The following PTPRM variants were observed in gnomAD, a reference collection of about 807,000 sequenced individuals.
PTPRM encodes the protein receptor-type tyrosine-protein phosphatase mu.
A neutral mutation model predicts 186.7 loss-of-function variants in PTPRM; 47 were observed. The observed-to-expected ratio is 0.25, with a 90% CI of 0.20 to 0.32. The LOEUF is 0.32. Ranked by LOEUF, PTPRM falls within the 10% of genes least tolerant of loss-of-function variation. The probability of loss-of-function intolerance (pLI) is 1.00; values close to 1 mark genes in which losing one functional copy is unlikely to be tolerated. For missense variants in PTPRM, 1,494 were observed against 1,865.0 expected (o/e 0.80, Z 3.66); for synonymous variants, 668 against 674.9 (o/e 0.99, Z 0.16).
intron 1 of PTPRM, among the ~76,000 whole-genome samples, chr18:7,658,525 G>C (rs1012862182): frequency 6.6e-5 from 10 of 151,964 alleles, no homozygotes; most frequent in Admixed American, 5.2e-4. Flanking sequence ...GTCACCAGCT[G>C]TGTTAGGGGT....
intron 1 of PTPRM, among the ~76,000 whole-genome samples, chr18:7,724,840 A>C (rs548129640): frequency 6.6e-6 from 1 of 152,246 alleles, no homozygotes; most frequent in Middle Eastern, 3.4e-3. Flanking sequence ...TAAACTAATT[A>C]CTCTTATAGT....
chr18:7,651,318 T>A (rs1200914015), intron 1 of PTPRM, among the ~76,000 whole-genome samples: 1 of 152,112 alleles, frequency 6.6e-6, no homozygotes, highest in African/African-American at 2.4e-5. Flanking sequence ...AAACTGGACT[T>A]CGTTAAAATT....
intron 1 of PTPRM, among the ~76,000 whole-genome samples, chr18:7,730,700 G>GT (rs1431404707): frequency 1.3e-5 from 2 of 152,160 alleles, no homozygotes; most frequent in African/African-American, 4.8e-5. Context: ...CTAAAGACAA[G>GT]TAATTATGGA....
intron 14 of PTPRM, among the ~76,000 whole-genome samples, chr18:8,205,569 T>G (rs990498857): frequency 6.6e-6 from 1 of 152,218 alleles, no homozygotes; most frequent in African/African-American, 2.4e-5. Context: ...AATCCACATA[T>G]AGTTATATTT....
chr18:8,254,216 G>C (rs111356227), intron 19 of PTPRM, among the ~76,000 whole-genome samples: 1 of 152,166 alleles, frequency 6.6e-6, no homozygotes, highest in Non-Finnish European at 1.5e-5. Context: ...GTGGGCAGCT[G>C]TCAGGGACAT....
At chr18:7,989,538 C>T (rs757847486) in intron 7 of PTPRM, among the ~76,000 whole-genome samples, 23 of 152,142 alleles carry the variant, frequency 1.5e-4, no homozygotes, top group Non-Finnish European at 2.4e-4. Flanking sequence ...TTCTTACTTC[C>T]AAACAAGAAG....
At chr18:8,333,770 G>T (rs1330972738) in intron 22 of PTPRM, among the ~76,000 whole-genome samples, 1 of 152,146 alleles carries the variant, frequency 6.6e-6, no homozygotes, top group Non-Finnish European at 1.5e-5. Context: ...GTGCCCAAAG[G>T]AGGGAGCCCA....
intron 23 of PTPRM, among the ~76,000 whole-genome samples, chr18:8,353,894 A>G (rs1208506110): frequency 1.3e-5 from 2 of 152,172 alleles, no homozygotes; most frequent in African/African-American, 4.8e-5. Context: ...GGCACAAACT[A>G]TGGGACAAAA....
At chr18:7,624,226 C>T (rs1304831278) in intron 1 of PTPRM, among the ~76,000 whole-genome samples, 6 of 152,160 alleles carry the variant, frequency 3.9e-5, no homozygotes, top group Non-Finnish European at 8.8e-5. Flanking sequence ...AGCAACTGCT[C>T]TTCCATGTTC....
intron 1 of PTPRM, among the ~76,000 whole-genome samples, chr18:7,663,966 G>T (rs762760936): frequency 3.3e-5 from 5 of 152,096 alleles, no homozygotes; most frequent in South Asian, 2.1e-4. Context: ...TTTCCCTTTC[G>T]CTTGGGCCCG....
chr18:7,993,674 C>T (rs188951034), intron 7 of PTPRM, among the ~76,000 whole-genome samples: 1 of 151,958 alleles, frequency 6.6e-6, no homozygotes, highest in Non-Finnish European at 1.5e-5. Context: ...CCTAGACAAA[C>T]AAAAACTGAT....
intron 4 of PTPRM, among the ~76,000 whole-genome samples, chr18:7,915,094 A>G (rs1399406953): frequency 2.0e-5 from 3 of 152,154 alleles, no homozygotes; most frequent in East Asian, 3.8e-4. Flanking sequence ...AACGATTTGT[A>G]TCTTGGTCAA....
At chr18:7,884,924 C>CAAAAAAAAAAAAAAAAAAAAAAA (rs56724615) in intron 2 of PTPRM, among the ~76,000 whole-genome samples, 1 of 37,844 alleles carries the variant, frequency 2.6e-5, no homozygotes, top group Non-Finnish European at 4.8e-5. Context: ...AGCTCCATCT[C>CAAAAAAAAAAAAAAAAAAAAAAA]AAAAAAAAAA....
chr18:7,905,264 T>A (rs146835119), intron 3 of PTPRM, among the ~76,000 whole-genome samples: 3,143 of 152,150 alleles, frequency 0.021, 36 homozygotes, highest in South Asian at 0.033. Flanking sequence ...AAGTGCTGGG[T>A]TTATAGGCCT....
chr18:7,765,568 A>G (rs1183814326), intron 1 of PTPRM, among the ~76,000 whole-genome samples: 1 of 152,158 alleles, frequency 6.6e-6, no homozygotes, highest in East Asian at 1.9e-4. Flanking sequence ...TCCTAAAATA[A>G]TTATGTCTAT....
At chr18:8,030,437 A>G (rs188734072) in intron 7 of PTPRM, among the ~76,000 whole-genome samples, 51 of 152,276 alleles carry the variant, frequency 3.3e-4, no homozygotes, top group Non-Finnish European at 4.4e-5. Context: ...ATGGTCCGTC[A>G]GTGTGAGAAT....
At chr18:8,109,825 T>G (rs1393443126) in intron 11 of PTPRM, among the ~76,000 whole-genome samples, 2 of 151,998 alleles carry the variant, frequency 1.3e-5, no homozygotes, top group Non-Finnish European at 2.9e-5. Context: ...GAATGGGAAG[T>G]GAGAGATGGA....
At chr18:8,083,020 C>A (rs1480230077) in intron 9 of PTPRM, among the ~76,000 whole-genome samples, 1 of 151,972 alleles carries the variant, frequency 6.6e-6, no homozygotes, top group Non-Finnish European at 1.5e-5. Flanking sequence ...CTAAAAGATG[C>A]CAATTCTTTT....
chr18:7,880,296 A>G (rs2146274903), intron 2 of PTPRM, among the ~76,000 whole-genome samples: 1 of 152,290 alleles, frequency 6.6e-6, no homozygotes, highest in South Asian at 2.1e-4. Context: ...TCTTTTTGCT[A>G]TCTTACTGTG....
Sources: allele counts gnomAD v4.1 joint callset (sites outside exome capture counted in the v4.1 genomes callset), GRCh38; gene constraint gnomAD v4.1.1; transcripts MANE v1.5; gene names NCBI Gene and HGNC (gene_info 2026-07-23, HGNC 2026-07-21).